The following HIBCH variants were observed in gnomAD, a reference collection of about 807,000 sequenced individuals.
HIBCH encodes 3-hydroxyisobutyryl-CoA hydrolase, mitochondrial.
HIBCH carries 50 observed loss-of-function variants against 58.2 expected under a neutral mutation model. That is an observed-to-expected ratio of 0.86 (90% CI 0.68 to 1.09). The LOEUF is 1.09. HIBCH is among the 50% of genes least tolerant of loss of function. HIBCH has a pLI of 0.00. For synonymous variants in HIBCH, 151 were observed against 146.9 expected (o/e 1.03, Z -0.20); for missense variants, 450 against 449.7 (o/e 1.00, Z -0.01).
At chr2:190,318,356 C>G (rs964055497) in intron 1 of HIBCH, among the ~76,000 whole-genome samples, 3 of 152,094 alleles carry the variant, frequency 2.0e-5, no homozygotes, top group African/African-American at 7.2e-5. Flanking sequence ...CAAGGGAGGC[C>G]AGAGTTCAAG....
rs1341855021 is a variant in HIBCH at position 190,204,880 on chromosome 2, C to T, written c.*237G>A. On this transcript the variant is annotated 3_prime_UTR_variant, in exon 14 of 14. Coordinates refer to ENST00000359678, the MANE Select transcript of HIBCH (RefSeq NM_014362.4). ...ATTGCAACTACTCATTTCAAAGCAG[C>T]CACAGATAATATATAAACAGATGAG... 1.5e-5 allele frequency: 7 copies of T among 461,646 alleles called. No homozygotes were observed. The highest frequency in any genetic ancestry group is 2.4e-5 in the Non-Finnish European group (6 of 255,040). The allele number at this position is 461,646 out of a possible 1,614,324, so 28.6% of individuals were successfully genotyped here. A position where few individuals can be genotyped will look rare whatever the true frequency, so the allele number is the denominator to read the frequency against.
chr2:190,219,474 C>T (rs935667696), intron 11 of HIBCH, among the ~76,000 whole-genome samples: 57 of 152,122 alleles, frequency 3.7e-4, no homozygotes, highest in African/African-American at 1.4e-3. Flanking sequence ...TCACCCGAAC[C>T]AAAGAATTTG....
In HIBCH at chr2:190,208,739, T is replaced by C. The variant is rs6723320; in HGVS notation, c.1045+141A>G. The stretch of plus-strand genomic sequence containing the variant: ...TGGTCCAATGAACATTTGAGTGTCA[T>C]GTTGGTGCTCAAATAGTTTCAGATT... On this transcript the variant is annotated intron_variant, in intron 13 of 13. Coordinates refer to ENST00000359678, the MANE Select transcript of HIBCH (RefSeq NM_014362.4). 5,584 of 717,300 alleles carry C rather than the reference T, an allele frequency of 7.8e-3. 236 individuals are homozygous for C. The African/African-American group carries it at 0.087, about 11-fold the overall frequency. The allele number at this position is 717,300 out of a possible 1,614,324, so 44.4% of individuals were successfully genotyped here.
At chr2:190,198,897 A>G (rs1347147275) in intron 1 of HIBCH, among the ~76,000 whole-genome samples, 2 of 152,196 alleles carry the variant, frequency 1.3e-5, no homozygotes, top group Non-Finnish European at 2.9e-5. Context: ...ATTGTCATCT[A>G]TTTATTGACC....
intron 2 of HIBCH, among the ~76,000 whole-genome samples, chr2:190,310,097 G>A (rs920613565): frequency 6.6e-6 from 1 of 152,128 alleles, no homozygotes; most frequent in Non-Finnish European, 1.5e-5. Context: ...CTCCGGCACT[G>A]GATGCTTCCT....
intron 11 of HIBCH, among the ~76,000 whole-genome samples, chr2:190,237,612 A>C (rs1296304937): frequency 1.3e-5 from 2 of 152,114 alleles, no homozygotes; most frequent in Non-Finnish European, 2.9e-5. Context: ...TTAACTTTGT[A>C]AGAAACTGCC....
chr2:190,303,901 G>C (rs1688334990), intron 2 of HIBCH, among the ~76,000 whole-genome samples: 1 of 152,010 alleles, frequency 6.6e-6, no homozygotes, highest in Non-Finnish European at 1.5e-5. Flanking sequence ...GAGATTAGAA[G>C]GGCACTTTTC....
chr2:190,293,354 G>A (rs933592385), intron 4 of HIBCH, among the ~76,000 whole-genome samples: 8 of 152,100 alleles, frequency 5.3e-5, no homozygotes, highest in African/African-American at 1.9e-4. Context: ...TCGGGAAGCT[G>A]AGGCAGGAGA....
rs1686500116 is a variant in HIBCH, at chr2:190,243,087, T to A, written c.891+1800A>T. ...TGGACTGAAGGATACAAAGTATTGA[T>A]CCTGGATGTGTCTGTGAGGGTGTTG... On this transcript the variant is annotated intron_variant, in intron 11 of 13. Coordinates refer to ENST00000359678, the MANE Select transcript of HIBCH (RefSeq NM_014362.4). The surrounding 1 kb of genome is among the most constrained non-coding windows in gnomAD (Gnocchi z 4.1). 6.6e-6 allele frequency among the ~76,000 whole-genome samples: 1 copy of A among 152,186 alleles called. No individual in the cohort carries two copies. Among genetic ancestry groups the A allele is most frequent in the African/African-American group, 2.4e-5 (1 of 41,450 alleles).
chr2:190,241,619 T>C (rs1438025747), intron 11 of HIBCH, among the ~76,000 whole-genome samples: 1 of 152,214 alleles, frequency 6.6e-6, no homozygotes, highest in African/African-American at 2.4e-5. Context: ...CCTTTCCATA[T>C]TTAGTGCTTC....
chr2:190,252,410 G>A (rs2105941863), intron 7 of HIBCH, 103 bp from the exon 8 acceptor site: 1 of 935,680 alleles, frequency 1.1e-6, no homozygotes, highest in Admixed American at 2.0e-5. Context: ...TCTGGAGCTT[G>A]AATATACATT....
intron 1 of HIBCH, among the ~76,000 whole-genome samples, chr2:190,192,490 G>GTT (rs57541264): frequency 1.4e-5 from 2 of 144,302 alleles, no homozygotes; most frequent in Non-Finnish European, 3.1e-5. Context: ...GTGTGTGTGT[G>GTT]TATCTATATA....
intron 2 of HIBCH, among the ~76,000 whole-genome samples, chr2:190,301,326 T>C (rs1160236291): frequency 2.6e-5 from 4 of 152,202 alleles, no homozygotes; most frequent in Non-Finnish European, 4.4e-5. Flanking sequence ...AATAGAGGCC[T>C]ACTAAATAAA....
intron 11 of HIBCH, among the ~76,000 whole-genome samples, chr2:190,234,738 T>C (rs1686215014): frequency 6.6e-6 from 1 of 151,882 alleles, no homozygotes; most frequent in African/African-American, 2.4e-5. Context: ...TAATCCCAGT[T>C]ACTCGGGAGG....
At chr2:190,241,170 A>G (rs1686443074) in intron 11 of HIBCH, among the ~76,000 whole-genome samples, 1 of 152,194 alleles carries the variant, frequency 6.6e-6, no homozygotes, top group African/African-American at 2.4e-5. Flanking sequence ...ATTGGTGAAT[A>G]TATATTTAGG....
chr2:190,299,399 C>T (rs1451215509), intron 2 of HIBCH, among the ~76,000 whole-genome samples: 1 of 152,130 alleles, frequency 6.6e-6, no homozygotes, highest in Middle Eastern at 3.2e-3. Context: ...TGTGTCTTTT[C>T]AATTTCATTT....
chr2:190,274,791 T>G (rs948782297), intron 6 of HIBCH, among the ~76,000 whole-genome samples: 50 of 152,182 alleles, frequency 3.3e-4, no homozygotes, highest in African/African-American at 1.2e-3. Context: ...GCATGGTAAA[T>G]AAGAGAAACG....
At chr2:190,317,181 C>A (rs963023943) in intron 1 of HIBCH, among the ~76,000 whole-genome samples, 9 of 152,212 alleles carry the variant, frequency 5.9e-5, no homozygotes, top group African/African-American at 1.7e-4. Flanking sequence ...GGATTACAGG[C>A]ATGAACCACC....
downstream of HIBCH, among the ~76,000 whole-genome samples, chr2:190,203,699 C>T (rs1228825817): frequency 6.6e-6 from 1 of 151,992 alleles, no homozygotes; most frequent in Non-Finnish European, 1.5e-5. Context: ...ATCTTTATTC[C>T]AGATCTGTTA....
Sources: gnomAD v4.1 joint callset for allele counts (sites outside exome capture counted in the v4.1 genomes callset) on GRCh38, gnomAD v4.1.1 for gene constraint, Gnocchi (gnomAD v3.1) non-coding constraint, MANE v1.5 for transcripts, NCBI Gene and HGNC (gene_info 2026-07-23, HGNC 2026-07-21) for gene names.